Variants in CROCC2 observed in about 807,000 individuals in gnomAD.
The protein encoded by CROCC2 is ciliary rootlet coiled-coil protein 2.
In CROCC2, 163 loss-of-function variants were observed where a neutral mutation model predicts 177.6. The observed-to-expected ratio is 0.92, with a 90% CI of 0.81 to 1.05. The LOEUF (loss-of-function observed/expected upper bound fraction) is 1.05, where lower values mean the gene tolerates loss of function less well. CROCC2 is among the 50% of genes least tolerant of loss of function. CROCC2 has a pLI of 0.00. For missense variants in CROCC2, 1,929 were observed against 1,797.8 expected, an observed-to-expected ratio of 1.07 and a Z score of -1.32; for synonymous variants, 904 against 787.3, an observed-to-expected ratio of 1.15 and a Z score of -2.48.
At chr2:240,983,518 G>A (rs981185442) in intron 28 of CROCC2, 2 of 1,250,860 alleles carry the variant, frequency 1.6e-6, no homozygotes, top group African/African-American at 3.2e-5. Context: ...CGGCGGCGCT[G>A]CGCACCGAGC....
Position 240,948,999 on chromosome 2 carries a change from A to T in CROCC2, c.2384A>T (p.Glu795Val), listed in dbSNP as rs900566854. The change falls in exon 16 of 32, where the codon GAG becomes GTG. Residue 795 changes from glutamate (E) to valine (V), a missense_variant. This residue lies in a region of CROCC2 where 1,397 missense variants were observed against 1,239.9 expected (regional missense o/e 1.13). Coordinates refer to ENST00000690015, the MANE Select transcript of CROCC2 (RefSeq NM_001351305.2). ...TGCAGGGTGGAGAGGGACTCCCTGGAGAGCAGCCTCCTTGAGGCCCAACAG... is the reference window on the plus strand; with the variant it reads ...TGCAGGGTGGAGAGGGACTCCCTGGTGAGCAGCCTCCTTGAGGCCCAACAG... ...ADLRVERDSL[E>V]SSLLEAQQLA... 3 of 1,550,348 alleles carry T rather than the reference A, an allele frequency of 1.9e-6. No individual in the cohort carries two copies. The highest frequency in any genetic ancestry group is 1.2e-5 in the South Asian group (1 of 84,044).
chr2:240,972,887 GC>G lies in CROCC2; in HGVS notation c.4401+4630del, dbSNP rs1008783521. On this transcript the variant is annotated intron_variant, in intron 27 of 31. Coordinates refer to ENST00000690015, the MANE Select transcript of CROCC2 (RefSeq NM_001351305.2). This position sits in a 1 kb window ranked among gnomAD's most constrained non-coding sequence, Gnocchi z 7.1. ...TTCAGACACACCTAAGTCACCAGAG[GC>G]CCCCGCTTTTGACACACAGCAAACC... Among the ~76,000 whole-genome samples, 118 of 152,112 alleles carry G rather than the reference GC, an allele frequency of 7.8e-4. No individual in the cohort carries two copies. Among genetic ancestry groups the G allele is most frequent in the African/African-American group, 2.8e-3 (116 of 41,484 alleles).
At chr2:240,923,411 G>A (rs903444672) in intron 4 of CROCC2, among the ~76,000 whole-genome samples, 2 of 151,258 alleles carry the variant, frequency 1.3e-5, no homozygotes, top group African/African-American at 4.9e-5. Flanking sequence ...GGCTTATCAA[G>A]GGGGCCTCTG....
chr2:240,943,699 C>T (rs964330080), intron 14 of CROCC2, among the ~76,000 whole-genome samples: 3 of 151,960 alleles, frequency 2.0e-5, no homozygotes, highest in African/African-American at 4.8e-5. Flanking sequence ...AGGTTGGTCT[C>T]GAACTCCCGA....
Position 240,935,561 on chromosome 2 carries a change from G to T in CROCC2, c.2142G>T (p.Lys714Asn). The T allele has an allele frequency of 7.4e-7, 1 of 1,349,604 alleles. No individual in the cohort carries two copies. The allele number at this position is 1,349,604 out of a possible 1,614,324, so 83.6% of individuals were successfully genotyped here. Residue 714 changes from lysine to asparagine, a missense_variant, in exon 14 of 32, where the codon AAG becomes AAT. Physicochemically the swap from Lys to Asn is moderately conservative, Grantham distance 94. Around this residue, in one of 3 missense-constraint regions of CROCC2, gnomAD observed 1,397 missense variants for 1,239.9 expected, o/e 1.13. Coordinates refer to ENST00000690015, the MANE Select transcript of CROCC2 (RefSeq NM_001351305.2). Reference sequence around the variant, plus strand: ...AGGCAGCCCTGCTGGGGCGAGAGAAGGCCCAGCTCCAGGAGCAGGTGGGCC... The same window carrying T: ...AGGCAGCCCTGCTGGGGCGAGAGAATGCCCAGCTCCAGGAGCAGGTGGGCC... Reference protein sequence around the residue: ...EGQAALLGREKAQLQEQVGQV... With the variant: ...EGQAALLGRENAQLQEQVGQV...
At chr2:240,948,065 T>C (rs949181931) in intron 15 of CROCC2, among the ~76,000 whole-genome samples, 17 of 152,052 alleles carry the variant, frequency 1.1e-4, no homozygotes, top group African/African-American at 3.9e-4. Context: ...CCAGGCTGAC[T>C]TGAAGGAAAG....
chr2:240,941,783 G>A (rs1458133110), intron 14 of CROCC2, among the ~76,000 whole-genome samples: 2 of 152,154 alleles, frequency 1.3e-5, no homozygotes, highest in Non-Finnish European at 2.9e-5. Flanking sequence ...TGTTTCGAAT[G>A]TGTCCCCTCC....
intron 29 of CROCC2, among the ~76,000 whole-genome samples, chr2:240,989,192 C>T (rs2059861037): frequency 6.6e-6 from 1 of 152,144 alleles, no homozygotes; most frequent in African/African-American, 2.4e-5. Flanking sequence ...TGGCCAGAGG[C>T]TGCTACCTGC....
intron 1 of CROCC2, among the ~76,000 whole-genome samples, chr2:240,914,925 T>A (rs750330216): frequency 3.3e-5 from 5 of 152,172 alleles, no homozygotes; most frequent in Admixed American, 6.5e-5. Context: ...CCTGACAGCA[T>A]CTCCAAGGTG....
chr2:240,966,566 C>A (rs957404844), intron 25 of CROCC2, among the ~76,000 whole-genome samples, 157 bp downstream of exon 25: 4 of 152,148 alleles, frequency 2.6e-5, no homozygotes, highest in Admixed American at 2.0e-4. Flanking sequence ...CCATGGCCCC[C>A]AAGCCCAAGT....
rs74000156 is a variant in CROCC2, at chr2:240,935,619, G to A, written c.2169+31G>A. On this transcript the variant is annotated intron_variant, in intron 14 of 31. Coordinates refer to ENST00000690015, the MANE Select transcript of CROCC2 (RefSeq NM_001351305.2). The stretch of plus-strand genomic sequence containing the variant: ...GACGTCTGCAGGGCATGCTGCCGCC[G>A]TCTGGGATGCGGCTGGGTGGCAGGT... 3,829 of 1,365,952 alleles carry A rather than the reference G, an allele frequency of 2.8e-3. 82 individuals carry two copies. In the African/African-American group the frequency reaches 0.05, roughly 18 times the overall value. 84.6% of individuals were successfully genotyped at this position (1,365,952 alleles called of 1,614,324 possible).
chr2:240,962,013 C>T (rs1257408865), intron 20 of CROCC2, among the ~76,000 whole-genome samples: 2 of 68,724 alleles, frequency 2.9e-5, no homozygotes, highest in Non-Finnish European at 5.4e-5. Flanking sequence ...TCATCACCCA[C>T]ACACACACAC....
At position 240,931,479 on chromosome 2, in the gene CROCC2, TA is replaced by T. The variant is rs1241600854; in HGVS notation, c.947+356del. Reference sequence around the variant, plus strand: ...AAGAGCTCACCTTAGGTAAATCATATAAAAACCGAGGCAGGAAGAGGGACCA... The same window carrying T: ...AAGAGCTCACCTTAGGTAAATCATATAAAACCGAGGCAGGAAGAGGGACCA... On this transcript the variant is annotated intron_variant, in intron 7 of 31. Coordinates refer to ENST00000690015, the MANE Select transcript of CROCC2 (RefSeq NM_001351305.2). Among the ~76,000 whole-genome samples, 3 of 152,028 alleles carry T rather than the reference TA, an allele frequency of 2.0e-5. No individual in the cohort carries two copies. In the East Asian group the frequency reaches 5.8e-4, roughly 29 times the overall value.
chr2:240,953,916 G>A lies in CROCC2; in HGVS notation c.2830-1943G>A, dbSNP rs758464132. Among the ~76,000 whole-genome samples the A allele has an allele frequency of 2.0e-5, 3 of 152,080 alleles. No individual in the cohort carries two copies. Among genetic ancestry groups the A allele is most frequent in the South Asian group, 2.1e-4 (1 of 4,814 alleles). On this transcript the variant is annotated intron_variant, in intron 18 of 31. Coordinates refer to ENST00000690015, the MANE Select transcript of CROCC2 (RefSeq NM_001351305.2). This position sits in a 1 kb window ranked among gnomAD's most constrained non-coding sequence, Gnocchi z 4.0. ...AAGCTCTCACCCGAGAGAACGACAC[G>A]CTTCTATATTTGATGAAGTTTTGCC...
intron 1 of CROCC2, among the ~76,000 whole-genome samples, chr2:240,911,360 G>A (rs1013471436): frequency 3.0e-4 from 44 of 145,596 alleles, no homozygotes; most frequent in African/African-American, 3.8e-4. Flanking sequence ...GCAGTGGTGC[G>A]ATCTCGGCTC....
intron 15 of CROCC2, among the ~76,000 whole-genome samples, chr2:240,946,734 G>A (rs557766931): frequency 6.6e-6 from 1 of 152,336 alleles, no homozygotes; most frequent in South Asian, 2.1e-4. Context: ...TCCAGCAGAT[G>A]CAGAGCACCC....
chr2:240,930,971 C>T lies in CROCC2; in HGVS notation c.790C>T (p.Arg264Cys), dbSNP rs1189795062. Residue 264 changes from arginine to cysteine, a missense_variant, in exon 7 of 32, where the codon CGC (arginine) becomes TGC (cysteine). Physicochemically the swap from Arg to Cys is radical, Grantham distance 180. Coordinates refer to ENST00000690015, the MANE Select transcript of CROCC2 (RefSeq NM_001351305.2). ...DLQADTARTA[R>C]RLHTACLNLD... ...GCAGGCAGACACGGCCAGGACAGCCCGCCGCCTGCACACCGCCTGCCTGAA... is the reference window on the plus strand; with the variant it reads ...GCAGGCAGACACGGCCAGGACAGCCTGCCGCCTGCACACCGCCTGCCTGAA... The T allele has an allele frequency of 5.6e-6, 4 of 715,262 alleles. No individual in the cohort carries two copies. The highest frequency in any genetic ancestry group is 2.0e-5 in the Admixed American group (1 of 49,966). 44.3% of individuals were successfully genotyped at this position (715,262 alleles called of 1,614,324 possible).
chr2:240,980,179 G>T (rs1394881262), intron 27 of CROCC2, among the ~76,000 whole-genome samples: 1 of 36,268 alleles, frequency 2.8e-5, no homozygotes, highest in African/African-American at 2.3e-4. Flanking sequence ...AGCCTCAGGA[G>T]CCCAGACTCA....
intron 15 of CROCC2, among the ~76,000 whole-genome samples, chr2:240,946,598 C>T (rs1016792424): frequency 2.0e-5 from 3 of 152,216 alleles, no homozygotes; most frequent in African/African-American, 7.2e-5. Flanking sequence ...GATTCAGGCA[C>T]TCCCACAGTG....
Sources: gnomAD v4.1 joint callset for allele counts (sites outside exome capture counted in the v4.1 genomes callset) on GRCh38, gnomAD v4.1.1 for gene constraint, gnomAD v4.1.1 regional missense constraint, Gnocchi (gnomAD v3.1) non-coding constraint, MANE v1.5 for transcripts, NCBI Gene and HGNC (gene_info 2026-07-23, HGNC 2026-07-21) for gene names.